GSR: variants seen among roughly 807,000 people sequenced by gnomAD.
The protein encoded by GSR is glutathione-disulfide reductase, also known as glutathione reductase, mitochondrial.
In GSR, 48 loss-of-function variants were observed where a neutral mutation model predicts 56.5. That is an observed-to-expected ratio of 0.85 (90% CI 0.67 to 1.08). The LOEUF is 1.08. Among genes scored for constraint, GSR ranks in the 50% least tolerant of loss-of-function variants. The pLI, the probability that GSR is intolerant of heterozygous loss-of-function variation, is 0.00. For missense variants in GSR, 694 were observed against 703.3 expected, an observed-to-expected ratio of 0.99 and a Z score of 0.15; for synonymous variants, 264 against 270.8, an observed-to-expected ratio of 0.97 and a Z score of 0.25.
At chr8:30,692,494 A>ATT (rs1803419390) in intron 8 of GSR, among the ~76,000 whole-genome samples, 2 of 30,878 alleles carry the variant, frequency 6.5e-5, no homozygotes, top group South Asian at 1.2e-3. Context: ...CCACACCCAG[A>ATT]CTTTTTTTTT....
chr8:30,693,465 A>G (rs1288236212), intron 7 of GSR, among the ~76,000 whole-genome samples: 1 of 152,202 alleles, frequency 6.6e-6, no homozygotes, highest in Non-Finnish European at 1.5e-5. Flanking sequence ...CCTTGGAGAT[A>G]TATCTGTGAC....
At chr8:30,710,579 G>A (rs1254683473) in intron 2 of GSR, among the ~76,000 whole-genome samples, 1 of 150,296 alleles carries the variant, frequency 6.7e-6, no homozygotes, top group Admixed American at 6.7e-5. Context: ...AATTAGCCAG[G>A]CATGGTGATG....
Position 30,680,912 on chromosome 8 carries a change from C to T in GSR, c.1411G>A (p.Glu471Lys). The change falls in exon 12 of 13, where the codon GAA (glutamate) becomes AAA (lysine). Residue 471 changes from glutamate (E) to lysine (K), a missense_variant. Transcript: ENST00000221130. ...GCTGGATTTTTCCTTACCTTTTCTT[C>T]CTTGTTAGCACAGACCATTTTCATC... ...CVMKMVCANK[E>K]EKVVGIHMQG... 6.2e-7 allele frequency: 1 copy of T among 1,613,694 alleles called. No homozygotes were observed. The highest frequency in any genetic ancestry group is 8.5e-7 in the Non-Finnish European group (1 of 1,179,876).
chr8:30,699,592 C>T (rs1181458576), intron 6 of GSR, among the ~76,000 whole-genome samples: 2 of 151,814 alleles, frequency 1.3e-5, no homozygotes, highest in African/African-American at 2.4e-5. Context: ...TACAGGCCCA[C>T]ACCACCACAC....
intron 2 of GSR, among the ~76,000 whole-genome samples, chr8:30,711,279 T>C (rs1804133925): frequency 1.3e-5 from 2 of 152,170 alleles, no homozygotes; most frequent in South Asian, 4.1e-4. Flanking sequence ...TGAAAGTACA[T>C]TCAAATGAGT....
chr8:30,719,816 C>A lies in GSR; in HGVS notation c.306+7714G>T, dbSNP rs1804467625. On this transcript the variant is annotated intron_variant, in intron 1 of 12. Coordinates refer to ENST00000221130, the MANE Select transcript of GSR (RefSeq NM_000637.5). ...TAGGGCCTGCCTCGTTACCTTCAAT[C>A]CTGCCTAGCCAGGTAGAAACTTCAC... Among the ~76,000 whole-genome samples the A allele has an allele frequency of 3.3e-5, 5 of 152,158 alleles. No homozygotes were observed. The South Asian group carries it at 1.0e-3, about 31-fold the overall frequency.
intron 1 of GSR, among the ~76,000 whole-genome samples, chr8:30,722,758 T>C (rs1442605571): frequency 1.4e-5 from 2 of 146,296 alleles, no homozygotes; most frequent in Admixed American, 6.8e-5. Context: ...AAAAAAAGCA[T>C]GTCCAGTGTT....
chr8:30,692,229 A>T (rs1259308449), intron 8 of GSR, among the ~76,000 whole-genome samples: 1 of 91,680 alleles, frequency 1.1e-5, no homozygotes, highest in Non-Finnish European at 1.9e-5. Context: ...TTTGAGATGG[A>T]CTCTCGCTCT....
At chr8:30,720,728 A>G (rs1230700517) in intron 1 of GSR, among the ~76,000 whole-genome samples, 2 of 152,224 alleles carry the variant, frequency 1.3e-5, no homozygotes, top group Non-Finnish European at 2.9e-5. Context: ...CAATGGATAC[A>G]TTTGCAAGAG....
In GSR at chr8:30,679,064, A is replaced by G. The variant is rs1138054; in HGVS notation, c.*456T>C. The G allele has an allele frequency of 0.78, 126,344 of 162,878 alleles. 49,301 individuals carry two copies. The highest frequency in any genetic ancestry group is 0.89 in the East Asian group (4,844 of 5,422). 10.1% of individuals were successfully genotyped at this position (162,878 alleles called of 1,614,324 possible). On this transcript the variant is annotated 3_prime_UTR_variant, in exon 13 of 13. Transcript: ENST00000221130. ...TTCGGGAGGCTAAGGCAGGAGAATCACTTGAACCCAGGAGGCAGAGGTTGT... is the reference window on the plus strand; with the variant it reads ...TTCGGGAGGCTAAGGCAGGAGAATCGCTTGAACCCAGGAGGCAGAGGTTGT...
chr8:30,699,382 G>T (rs2128743234), intron 6 of GSR, among the ~76,000 whole-genome samples: 1 of 151,996 alleles, frequency 6.6e-6, no homozygotes, highest in South Asian at 2.1e-4. Flanking sequence ...GCTGAGGCGG[G>T]CGGATCACCT....
chr8:30,711,661 C>T (rs1380858749), intron 2 of GSR, among the ~76,000 whole-genome samples: 4 of 151,950 alleles, frequency 2.6e-5, no homozygotes, highest in African/African-American at 9.7e-5. Context: ...GTGAAACCCC[C>T]ATCTCTACTA....
At chr8:30,711,493 C>G (rs1017800176) in intron 2 of GSR, among the ~76,000 whole-genome samples, 1 of 152,136 alleles carries the variant, frequency 6.6e-6, no homozygotes, top group Non-Finnish European at 1.5e-5. Flanking sequence ...GTTTGGTTTG[C>G]TGGCTGGGTC....
At chr8:30,725,302 C>T (rs1269890276) in intron 1 of GSR, among the ~76,000 whole-genome samples, 3 of 151,738 alleles carry the variant, frequency 2.0e-5, no homozygotes, top group African/African-American at 7.3e-5. Flanking sequence ...AAAATAAAAA[C>T]AGGCCAGGCG....
chr8:30,711,792 C>T (rs1331582167), intron 2 of GSR, among the ~76,000 whole-genome samples: 1 of 151,948 alleles, frequency 6.6e-6, no homozygotes, highest in Non-Finnish European at 1.5e-5. Context: ...AAGATCGCGC[C>T]ACTGTACTCT....
Position 30,682,058 on chromosome 8 carries a change from G to A in GSR, c.1157C>T (p.Ala386Val), listed in dbSNP as rs1254168191. ...VCGKALLTPV[A>V]IAAGRKLAHR... ...GGCAAGTTTTCGGCCAGCAGCTATT[G>A]CAACTATGGAGATATTTTAAAATCA... is the stretch of plus-strand genomic sequence containing the variant. Residue 386 changes from alanine (A) to valine (V), a missense_variant, in exon 11 of 13, where the codon GCA (alanine) becomes GTA (valine). Ala to Val is a moderately conservative substitution (Grantham distance 64). Transcript: ENST00000221130. 3 of 1,611,902 alleles carry A rather than the reference G, an allele frequency of 1.9e-6. No individual in the cohort carries two copies. The highest frequency in any genetic ancestry group is 2.5e-6 in the Non-Finnish European group (3 of 1,178,126).
chr8:30,708,760 T>C lies in GSR; in HGVS notation c.423-619A>G, dbSNP rs8190948. Reference sequence around the variant, plus strand: ...TCACGAGGTCAGAAGATCGAGATCATTCTGGCTAACACAGTGAAATCCCGT... The same window carrying C: ...TCACGAGGTCAGAAGATCGAGATCACTCTGGCTAACACAGTGAAATCCCGT... On this transcript the variant is annotated intron_variant, in intron 3 of 12. Transcript: ENST00000221130. Among the ~76,000 whole-genome samples the C allele has an allele frequency of 9.1e-3, 1,382 of 151,716 alleles. 23 individuals are homozygous for C. The highest frequency in any genetic ancestry group is 0.031 in the African/African-American group (1,286 of 41,376).
chr8:30,691,347 C>G (rs1292823468), intron 8 of GSR, among the ~76,000 whole-genome samples: 1 of 144,114 alleles, frequency 6.9e-6, no homozygotes, highest in African/African-American at 2.6e-5. Flanking sequence ...AGAGCAAGAC[C>G]CTGTCTCAAA....
chr8:30,685,998 A>AAG (rs896853257), intron 9 of GSR, among the ~76,000 whole-genome samples: 9 of 148,276 alleles, frequency 6.1e-5, no homozygotes, highest in African/African-American at 2.0e-4. Context: ...AAAAAAAAAA[A>AAG]AAAAAAAAAA....
Sources: gnomAD v4.1 joint callset for allele counts (sites outside exome capture counted in the v4.1 genomes callset) on GRCh38, gnomAD v4.1.1 for gene constraint, MANE v1.5 for transcripts, NCBI Gene and HGNC (gene_info 2026-07-23, HGNC 2026-07-21) for gene names.